NOS1AP: variants seen among roughly 807,000 people sequenced by gnomAD.
The protein encoded by NOS1AP is nitric oxide synthase 1 adaptor protein.
Under a neutral mutation model 56.2 loss-of-function variants are expected in NOS1AP, and 21 were observed. The observed-to-expected ratio is 0.37, with a 90% CI of 0.26 to 0.54. The LOEUF is 0.54. NOS1AP is among the 20% of genes least tolerant of loss of function. The pLI is 0.84. For missense variants in NOS1AP, 522 were observed against 657.8 expected (o/e 0.79, Z 2.26); for synonymous variants, 270 against 274.6 (o/e 0.98, Z 0.17).
intron 8 of NOS1AP, among the ~76,000 whole-genome samples, chr1:162,361,390 TA>T (rs1254861435): frequency 6.6e-6 from 1 of 152,212 alleles, no homozygotes. Flanking sequence ...AGGTTTCACG[TA>T]ACGCTGCCTC....
rs147957665 is a variant in NOS1AP at position 162,113,195 on chromosome 1, A to T, written c.106-41210A>T. ...CACCTCTTCTCCTGATAATCCTGGCAGGAGGTGGAGCATGAGTCTGACAGC... is the reference window on the plus strand; with the variant it reads ...CACCTCTTCTCCTGATAATCCTGGCTGGAGGTGGAGCATGAGTCTGACAGC... On this transcript the variant is annotated intron_variant, in intron 1 of 9. Coordinates refer to ENST00000361897, the MANE Select transcript of NOS1AP (RefSeq NM_014697.3). 1.8e-4 allele frequency among the ~76,000 whole-genome samples: 27 copies of T among 152,282 alleles called. No individual in the cohort carries two copies. The East Asian group carries it at 3.7e-3, about 21-fold the overall frequency.
At chr1:162,304,834 T>C (rs1419648662) in intron 4 of NOS1AP, among the ~76,000 whole-genome samples, 2 of 151,728 alleles carry the variant, frequency 1.3e-5, no homozygotes, top group African/African-American at 2.4e-5. Context: ...TTCTAAAATA[T>C]ATATGGTCCA....
chr1:162,304,780 C>CTGTG (rs3055849), intron 4 of NOS1AP, among the ~76,000 whole-genome samples: 15,384 of 146,076 alleles, frequency 0.11, 871 homozygotes, highest in South Asian at 0.18. Context: ...ATTTTTATAT[C>CTGTG]TGTGTGTGTG....
intron 2 of NOS1AP, among the ~76,000 whole-genome samples, chr1:162,234,775 A>G (rs1022803850): frequency 1.3e-5 from 2 of 152,178 alleles, no homozygotes; most frequent in African/African-American, 4.8e-5. Flanking sequence ...TTGCAGGACC[A>G]CAGCTCCACA....
chr1:162,206,237 T>C (rs1178690166), intron 2 of NOS1AP, among the ~76,000 whole-genome samples: 2 of 151,356 alleles, frequency 1.3e-5, no homozygotes, highest in Admixed American at 1.3e-4. Flanking sequence ...ACTGGGGCAT[T>C]TCAAATCTAT....
intron 5 of NOS1AP, among the ~76,000 whole-genome samples, chr1:162,339,303 A>G (rs1451610327): frequency 1.3e-5 from 2 of 152,156 alleles, no homozygotes; most frequent in East Asian, 1.9e-4. Flanking sequence ...TGGCTTTTGG[A>G]CGAGAAGATT....
At chr1:162,228,861 G>T (rs1442720443) in intron 2 of NOS1AP, among the ~76,000 whole-genome samples, 1 of 151,678 alleles carries the variant, frequency 6.6e-6, no homozygotes, top group Non-Finnish European at 1.5e-5. Context: ...TAAAACAAGA[G>T]AAAAAAAATA....
intron 8 of NOS1AP, chr1:162,364,079 G>A: frequency 2.0e-6 from 2 of 985,408 alleles, no homozygotes; most frequent in South Asian, 9.4e-5. Flanking sequence ...GTGGCCAACT[G>A]TGAGGTAGCA....
intron 4 of NOS1AP, among the ~76,000 whole-genome samples, chr1:162,305,460 T>A (rs1571205889): frequency 6.6e-6 from 1 of 152,298 alleles, no homozygotes; most frequent in Middle Eastern, 3.4e-3. Context: ...TATTACAGTG[T>A]TCTTCATTAA....
chr1:162,294,110 G>A (rs1167690841), intron 3 of NOS1AP, among the ~76,000 whole-genome samples: 2 of 152,004 alleles, frequency 1.3e-5, no homozygotes, highest in African/African-American at 4.8e-5. Context: ...TGGGAGGACT[G>A]TCAGGCTGCA....
At chr1:162,308,854 C>T (rs1446917373) in intron 4 of NOS1AP, among the ~76,000 whole-genome samples, 1 of 152,122 alleles carries the variant, frequency 6.6e-6, no homozygotes, top group Non-Finnish European at 1.5e-5. Flanking sequence ...TCCCAGCAAC[C>T]CTGAGTGGTA....
chr1:162,353,628 G>A, intron 6 of NOS1AP, among the ~76,000 whole-genome samples: 1 of 152,174 alleles, frequency 6.6e-6, no homozygotes, highest in East Asian at 1.9e-4. Context: ...ACACAGCCTG[G>A]CCTCAAGTCT....
At chr1:162,247,340 G>T (rs891226132) in intron 2 of NOS1AP, among the ~76,000 whole-genome samples, 4 of 152,076 alleles carry the variant, frequency 2.6e-5, no homozygotes, top group Non-Finnish European at 4.4e-5. Context: ...CATAAATAAG[G>T]AACTTTTGCA....
chr1:162,234,001 G>T (rs1653207838), intron 2 of NOS1AP, among the ~76,000 whole-genome samples: 1 of 152,158 alleles, frequency 6.6e-6, no homozygotes, highest in Non-Finnish European at 1.5e-5. Context: ...TCTGCTATTG[G>T]ACATACATGA....
chr1:162,192,244 G>T (rs1399942597), intron 2 of NOS1AP, among the ~76,000 whole-genome samples: 1 of 152,162 alleles, frequency 6.6e-6, no homozygotes, highest in Non-Finnish European at 1.5e-5. Flanking sequence ...ACAACTGCTG[G>T]TCTGAGCCAT....
intron 9 of NOS1AP, among the ~76,000 whole-genome samples, chr1:162,365,873 C>T (rs1658069870): frequency 6.6e-6 from 1 of 152,132 alleles, no homozygotes; most frequent in Non-Finnish European, 1.5e-5. Context: ...TGTTCTAGGG[C>T]AGCCCATTTC....
At chr1:162,192,538 G>GA (rs1455889948) in intron 2 of NOS1AP, among the ~76,000 whole-genome samples, 1 of 152,114 alleles carries the variant, frequency 6.6e-6, no homozygotes, top group Non-Finnish European at 1.5e-5. Flanking sequence ...AAAGAGGCTT[G>GA]AAGACTGGCT....
chr1:162,352,274 G>C (rs1197853985), intron 6 of NOS1AP, among the ~76,000 whole-genome samples: 2 of 152,078 alleles, frequency 1.3e-5, no homozygotes, highest in East Asian at 3.9e-4. Context: ...GGCCAGGCTT[G>C]TCCCAAACTC....
chr1:162,083,534 C>A (rs933581237), intron 1 of NOS1AP, among the ~76,000 whole-genome samples: 5 of 152,156 alleles, frequency 3.3e-5, no homozygotes, highest in Admixed American at 6.6e-5. Context: ...AGCCACTGTG[C>A]CTGGCCTCAA....
Sources: allele counts gnomAD v4.1 joint callset (sites outside exome capture counted in the v4.1 genomes callset), GRCh38; gene constraint gnomAD v4.1.1; transcripts MANE v1.5; gene names NCBI Gene and HGNC (gene_info 2026-07-23, HGNC 2026-07-21).